The following KIF23 variants were observed in gnomAD, a reference collection of about 807,000 sequenced individuals.
KIF23 encodes the protein kinesin family member 23.
KIF23 carries 30 observed loss-of-function variants against 137.5 expected under a neutral mutation model. That is an observed-to-expected ratio of 0.22 (90% CI 0.16 to 0.30). KIF23 has a LOEUF of 0.30. Ranked by LOEUF, KIF23 falls within the 10% of genes least tolerant of loss-of-function variation. The pLI is 1.00. For synonymous variants in KIF23, 367 were observed against 391.1 expected (o/e 0.94, Z 0.73); for missense variants, 920 against 1,194.3 (o/e 0.77, Z 3.38).
At chr15:69,414,544 G>A in intron 1 of KIF23, 68 bp downstream of exon 1, 1 of 1,467,314 alleles carries the variant, frequency 6.8e-7, no homozygotes, top group South Asian at 1.3e-5. Context: ...CTGGGGGCAG[G>A]CGTCTCCACT....
In KIF23 at chr15:69,444,366, T is replaced by C. The variant is rs2057698515; in HGVS notation, c.2422-424T>C. The C allele has an allele frequency of 6.4e-6, 1 of 156,252 alleles. No individual in the cohort carries two copies. The highest frequency in any genetic ancestry group is 2.4e-5 in the African/African-American group (1 of 41,526). The allele number at this position is 156,252 out of a possible 1,614,324, so 9.7% of individuals were successfully genotyped here. ...TATGTTCTTAGGATTGTTTTCTGTT[T>C]TGTTTAGAAGCCTAGAAAATGTGTA... is the stretch of plus-strand genomic sequence containing the variant. On this transcript the variant is annotated intron_variant, in intron 19 of 23. Coordinates refer to ENST00000679126, the MANE Select transcript of KIF23 (RefSeq NM_001367805.3). This position sits in a 1 kb window ranked among gnomAD's most constrained non-coding sequence, Gnocchi z 4.2.
intron 11 of KIF23, chr15:69,434,398 G>A (rs763244967): frequency 4.2e-4 from 137 of 329,872 alleles, no homozygotes; most frequent in Non-Finnish European, 6.6e-4. Context: ...AAAGGATTGC[G>A]ACATTTAATA....
intron 11 of KIF23, chr15:69,434,871 G>A: frequency 1.3e-6 from 1 of 757,150 alleles, no homozygotes; most frequent in South Asian, 1.6e-5. Flanking sequence ...GTAGTCCATA[G>A]CTGCGCGGCC....
intron 14 of KIF23, 59 bp downstream of exon 14, chr15:69,436,320 T>TA (rs1258397940): frequency 1.2e-5 from 19 of 1,545,072 alleles, no homozygotes; most frequent in Middle Eastern, 1.7e-4. Flanking sequence ...CTCTCTTTTT[T>TA]AAAAAAAATT....
At position 69,438,853 on chromosome 15, in the gene KIF23, C is replaced by A. The variant is rs2057545280; in HGVS notation, c.1755+448C>A. ...GTGCGGGGGCTCATGCCTGTAGTCT[C>A]AGCACATTGGGAGGCCAAGGCAGGG... On this transcript the variant is annotated intron_variant, in intron 16 of 23. Coordinates refer to ENST00000679126, the MANE Select transcript of KIF23 (RefSeq NM_001367805.3). Among the ~76,000 whole-genome samples, 3 of 151,884 alleles carry A rather than the reference C, an allele frequency of 2.0e-5. No homozygotes were observed. The South Asian group carries it at 6.2e-4, about 32-fold the overall frequency.
chr15:69,419,343 C>G (rs1310356583), intron 3 of KIF23, among the ~76,000 whole-genome samples: 3 of 152,188 alleles, frequency 2.0e-5, no homozygotes, highest in African/African-American at 7.2e-5. Context: ...CTGTTCAAAA[C>G]CTTTCAAAGA....
At chr15:69,439,535 C>T (rs554267962) in intron 16 of KIF23, among the ~76,000 whole-genome samples, 6 of 152,264 alleles carry the variant, frequency 3.9e-5, no homozygotes, top group African/African-American at 1.4e-4. Flanking sequence ...TGTCTGTTCT[C>T]TCATTTACAG....
chr15:69,440,738 T>C, intron 18 of KIF23, 30 bp from the exon 19 acceptor site: 13 of 1,552,692 alleles, frequency 8.4e-6, no homozygotes, highest in Non-Finnish European at 9.6e-6. Flanking sequence ...TTTTCAGTCT[T>C]GCTCATTAAT....
At chr15:69,442,300 G>T (rs765889481) in intron 19 of KIF23, among the ~76,000 whole-genome samples, 6 of 151,974 alleles carry the variant, frequency 3.9e-5, no homozygotes, top group African/African-American at 7.3e-5. Context: ...TCATTCAAGG[G>T]TATTTAAATA....
Position 69,439,891 on chromosome 15 carries a change from T to G in KIF23, c.1756-13T>G, listed in dbSNP as rs377487425. On this transcript the variant is annotated splice_polypyrimidine_tract_variant and intron_variant, in intron 16 of 23. Coordinates refer to ENST00000679126, the MANE Select transcript of KIF23 (RefSeq NM_001367805.3). The stretch of plus-strand genomic sequence containing the variant: ...ATATACCAAATATTGAACATAGTGG[T>G]CTACCTTCCTAGATTGAGATTTTAG... 11 of 1,595,520 alleles carry G rather than the reference T, an allele frequency of 6.9e-6. No homozygotes were observed. The highest frequency in any genetic ancestry group is 8.6e-6 in the Non-Finnish European group (10 of 1,168,298).
chr15:69,415,236 A>G (rs2056869705), intron 1 of KIF23, among the ~76,000 whole-genome samples: 1 of 152,228 alleles, frequency 6.6e-6, no homozygotes, highest in African/African-American at 2.4e-5. Context: ...AATTATATAT[A>G]AGAAATATAC....
intron 16 of KIF23, among the ~76,000 whole-genome samples, chr15:69,439,634 T>C (rs1347829676): frequency 6.6e-6 from 1 of 152,206 alleles, no homozygotes; most frequent in Non-Finnish European, 1.5e-5. Context: ...GAAAATAGCC[T>C]AAAAACTAAA....
At chr15:69,435,941 G>C (rs2057466962) in intron 13 of KIF23, among the ~76,000 whole-genome samples, 170 bp downstream of exon 13, 1 of 152,140 alleles carries the variant, frequency 6.6e-6, no homozygotes. Flanking sequence ...CAACATGTTG[G>C]GAAGCTGAGG....
intron 22 of KIF23, 178 bp downstream of exon 22, chr15:69,446,542 G>A (rs1241437738): frequency 9.5e-6 from 6 of 633,908 alleles, no homozygotes; most frequent in East Asian, 8.2e-5. Flanking sequence ...GAACTCCCTT[G>A]CAAGTGTTAT....
At chr15:69,423,054 C>A (rs905536985) in intron 6 of KIF23, 105 bp from the exon 7 acceptor site, 4 of 754,512 alleles carry the variant, frequency 5.3e-6, no homozygotes, top group Non-Finnish European at 8.9e-6. Flanking sequence ...CTGCCTCGGC[C>A]TCCCAAAGTG....
At chr15:69,445,634 C>T (rs974547039) in intron 20 of KIF23, among the ~76,000 whole-genome samples, 3 of 151,666 alleles carry the variant, frequency 2.0e-5, no homozygotes, top group Non-Finnish European at 4.4e-5. Flanking sequence ...ACTATACTGT[C>T]ATTTGAATAT....
intron 18 of KIF23, 36 bp downstream of exon 18, chr15:69,440,523 A>G: frequency 1.3e-6 from 2 of 1,551,908 alleles, no homozygotes; most frequent in African/African-American, 1.4e-5. Context: ...ACTTTGTACT[A>G]GAGAAATTTT....
chr15:69,435,924 A>C (rs1403413169), intron 13 of KIF23, 153 bp downstream of exon 13: 1 of 1,232,016 alleles, frequency 8.1e-7, no homozygotes, highest in African/African-American at 1.5e-5. Context: ...GCTTATGCTT[A>C]TAATCCCAAC....
In KIF23 at chr15:69,434,529, C is replaced by G. The variant is rs2057426153; in HGVS notation, c.1115-954C>G. 3.7e-6 allele frequency: 3 copies of G among 813,914 alleles called. No homozygotes were observed. In the Admixed American group the frequency reaches 5.4e-5, roughly 15 times the overall value. The allele number at this position is 813,914 out of a possible 1,614,324, so 50.4% of individuals were successfully genotyped here. ...ACGCCGTGTATGCCAGCCTGGATCT[C>G]ATAGTTTTCTTTAACTGGTTCAACT... On this transcript the variant is annotated intron_variant, in intron 11 of 23. Coordinates refer to ENST00000679126, the MANE Select transcript of KIF23 (RefSeq NM_001367805.3).
Sources: allele counts gnomAD v4.1 joint callset (sites outside exome capture counted in the v4.1 genomes callset), GRCh38; gene constraint gnomAD v4.1.1; non-coding constraint Gnocchi (gnomAD v3.1); transcripts MANE v1.5; gene names NCBI Gene and HGNC (gene_info 2026-07-23, HGNC 2026-07-21).